FUBP1: variants seen among roughly 807,000 people sequenced by gnomAD.
FUBP1 encodes far upstream element binding protein 1.
A neutral mutation model predicts 94.9 loss-of-function variants in FUBP1; 16 were observed. That is an observed-to-expected ratio of 0.17 (90% CI 0.11 to 0.26). The LOEUF is 0.26. Among genes scored for constraint, FUBP1 ranks in the 10% least tolerant of loss-of-function variants. The pLI is 1.00. For synonymous variants in FUBP1, 279 were observed against 254.9 expected, an observed-to-expected ratio of 1.09 and a Z score of -0.90; for missense variants, 583 against 808.6, an observed-to-expected ratio of 0.72 and a Z score of 3.38.
Position 77,944,503 on chromosome 1 carries a change from A to AG in FUBP1, c.*4262dup. On this transcript the variant is annotated 3_prime_UTR_variant, in exon 20 of 20. Transcript: ENST00000370768. ...CAACAAAAAATAAGGTAACTTTCAG[A>AG]GCCAAAATTATCTTTAATTAGGTAT... 6.6e-6 allele frequency among the ~76,000 whole-genome samples: 1 copy of AG among 152,062 alleles called. No homozygotes were observed. The highest frequency in any genetic ancestry group is 1.5e-5 in the Non-Finnish European group (1 of 67,830).
intron 1 of FUBP1, among the ~76,000 whole-genome samples, chr1:77,971,646 T>C (rs1657556712): frequency 1.3e-5 from 2 of 151,584 alleles, no homozygotes; most frequent in African/African-American, 4.9e-5. Context: ...TTTCCTCATC[T>C]AAAAATGCAA....
Position 77,945,800 on chromosome 1 carries a change from TA to T in FUBP1, c.*2965del. On this transcript the variant is annotated 3_prime_UTR_variant, in exon 20 of 20. Coordinates refer to ENST00000370768, the MANE Select transcript of FUBP1 (RefSeq NM_003902.5). ...AACTTAACTCAAAATATGTACCAGT[TA>T]AAATCATCTATAAAAACACACAAAC... The T allele has an allele frequency of 4.7e-6, 1 of 213,160 alleles. No individual in the cohort carries two copies. The highest frequency in any genetic ancestry group is 9.5e-6 in the Non-Finnish European group (1 of 105,294). The allele number at this position is 213,160 out of a possible 1,614,324, so 13.2% of individuals were successfully genotyped here.
In FUBP1 at chr1:77,965,355, C is replaced by T. The variant is rs981315315; in HGVS notation, c.474-124G>A. 4.9e-5 allele frequency: 24 copies of T among 491,728 alleles called. No homozygotes were observed. The Admixed American group carries it at 6.2e-4, about 13-fold the overall frequency. 30.5% of individuals were successfully genotyped at this position (491,728 alleles called of 1,614,324 possible). ...CAGTTCAGGATTAGGTGCCTTGATG[C>T]TAACTTTAACAATGCTTTTACTTTT... On this transcript the variant is annotated intron_variant, in intron 7 of 19. Transcript: ENST00000370768.
intron 7 of FUBP1, among the ~76,000 whole-genome samples, chr1:77,965,657 G>GC (rs1656333875): frequency 6.6e-6 from 1 of 152,174 alleles, no homozygotes; most frequent in African/African-American, 2.4e-5. Flanking sequence ...TGGGGTAATA[G>GC]CACTCAAAGA....
intron 1 of FUBP1, among the ~76,000 whole-genome samples, chr1:77,976,554 C>T (rs1412712922): frequency 6.6e-6 from 1 of 151,842 alleles, no homozygotes; most frequent in Non-Finnish European, 1.5e-5. Context: ...AGTGCAGCAG[C>T]GTGATCTCCA....
At chr1:77,949,853 T>C (rs1053383915) in intron 18 of FUBP1, among the ~76,000 whole-genome samples, 1 of 152,198 alleles carries the variant, frequency 6.6e-6, no homozygotes, top group Non-Finnish European at 1.5e-5. Flanking sequence ...AAAGTGTATG[T>C]ACACACACAC....
intron 1 of FUBP1, among the ~76,000 whole-genome samples, chr1:77,974,500 C>T (rs1179477659): frequency 1.3e-5 from 2 of 152,096 alleles, no homozygotes; most frequent in African/African-American, 4.8e-5. Context: ...GACTCCTGGG[C>T]TCAAGCAATC....
intron 1 of FUBP1, among the ~76,000 whole-genome samples, chr1:77,975,182 G>A (rs1224483880): frequency 6.6e-6 from 1 of 152,174 alleles, no homozygotes; most frequent in Non-Finnish European, 1.5e-5. Context: ...GACTTGTACT[G>A]TAATTCATTA....
chr1:77,973,012 TAA>T (rs59664058), intron 1 of FUBP1, among the ~76,000 whole-genome samples: 10 of 134,722 alleles, frequency 7.4e-5, no homozygotes, highest in African/African-American at 1.1e-4. Flanking sequence ...CTCCATCTCT[TAA>T]AAAAAAAAAA....
chr1:77,965,940 T>A (rs1217069486), intron 7 of FUBP1, among the ~76,000 whole-genome samples: 1 of 152,066 alleles, frequency 6.6e-6, no homozygotes, highest in African/African-American at 2.4e-5. Context: ...TCCCAGCTAC[T>A]CGGGAGGCGG....
intron 1 of FUBP1, among the ~76,000 whole-genome samples, chr1:77,972,638 T>C (rs188339914): frequency 1.3e-5 from 2 of 149,834 alleles, no homozygotes; most frequent in Admixed American, 6.6e-5. Context: ...GGTGCGCACC[T>C]GTAATTCCAG....
chr1:77,964,991 A>C (rs1414167149), intron 8 of FUBP1, 23 bp from the exon 9 acceptor site: 1 of 1,596,004 alleles, frequency 6.3e-7, no homozygotes, highest in East Asian at 2.2e-5. Context: ...TAGAAATAAT[A>C]TATATTAACA....
intron 2 of FUBP1, 149 bp downstream of exon 2, chr1:77,969,775 CT>C (rs1483553841): frequency 9.8e-6 from 4 of 409,732 alleles, no homozygotes; most frequent in African/African-American, 2.1e-5. Context: ...GTCTAGTTTT[CT>C]TTCCCCCCTT....
intron 18 of FUBP1, 147 bp from the exon 19 acceptor site, chr1:77,949,447 C>T: frequency 1.7e-6 from 1 of 574,164 alleles, no homozygotes; most frequent in South Asian, 2.5e-5. Context: ...AAAAAAAAAA[C>T]CCCTAAACTT....
chr1:77,960,106 A>C, intron 16 of FUBP1, 78 bp downstream of exon 16: 1 of 1,037,122 alleles, frequency 9.6e-7, no homozygotes. Flanking sequence ...CAAATGTAGA[A>C]TCAACACTAG....
At chr1:77,972,360 C>T (rs187058310) in intron 1 of FUBP1, among the ~76,000 whole-genome samples, 1 of 152,284 alleles carries the variant, frequency 6.6e-6, no homozygotes, top group East Asian at 1.9e-4. Context: ...CAAAGCAGCA[C>T]TCCTTGAACT....
chr1:77,975,073 A>G (rs1016487772), intron 1 of FUBP1, among the ~76,000 whole-genome samples: 2 of 152,204 alleles, frequency 1.3e-5, no homozygotes, highest in African/African-American at 4.8e-5. Context: ...GTTTTTATTC[A>G]TATTACTTGT....
intron 18 of FUBP1, among the ~76,000 whole-genome samples, chr1:77,951,420 C>T (rs1452808390): frequency 2.0e-5 from 3 of 152,216 alleles, no homozygotes; most frequent in Non-Finnish European, 4.4e-5. Context: ...AAGCTTATTT[C>T]ACTCTTCCAA....
rs1339743600 is a variant in FUBP1, at chr1:77,946,291, CTCA to C, written c.*2472_*2474del. 6.6e-5 allele frequency among the ~76,000 whole-genome samples: 10 copies of C among 151,104 alleles called. No individual in the cohort carries two copies. The East Asian group carries it at 1.9e-3, about 29-fold the overall frequency. ...GTAGTTCAATTACTGCAGCAATCTA[CTCA>C]TCATTTTCTTGTCTTAATAAAAAAA... is the stretch of plus-strand genomic sequence containing the variant. On this transcript the variant is annotated 3_prime_UTR_variant, in exon 20 of 20. Transcript: ENST00000370768.
Sources: allele counts gnomAD v4.1 joint callset (sites outside exome capture counted in the v4.1 genomes callset), GRCh38; gene constraint gnomAD v4.1.1; transcripts MANE v1.5; gene names NCBI Gene and HGNC (gene_info 2026-07-23, HGNC 2026-07-21).